NPFFR2: variants seen among roughly 807,000 people sequenced by gnomAD.
NPFFR2 encodes the protein G-protein coupled receptor 74.
A neutral mutation model predicts 13.1 loss-of-function variants in NPFFR2; 15 were observed. The observed-to-expected ratio is 1.15, with a 90% CI of 0.77 to 1.76. The LOEUF (loss-of-function observed/expected upper bound fraction) is 1.76, where lower values mean the gene tolerates loss of function less well. Ranked by LOEUF, NPFFR2 falls within the 40% of genes most tolerant of loss-of-function variation. The pLI, the probability that NPFFR2 is intolerant of heterozygous loss-of-function variation, is 0.00. For missense variants in NPFFR2, 572 were observed against 503.5 expected, an observed-to-expected ratio of 1.14 and a Z score of -1.30; for synonymous variants, 190 against 175.7, an observed-to-expected ratio of 1.08 and a Z score of -0.65.
At chr4:72,077,935 T>C (rs934512342) in intron 1 of NPFFR2, among the ~76,000 whole-genome samples, 1 of 152,046 alleles carries the variant, frequency 6.6e-6, no homozygotes, top group African/African-American at 2.4e-5. Flanking sequence ...AAGTAGAGAT[T>C]TTAAAGGTCA....
At chr4:72,078,935 G>T (rs1386774414) in intron 1 of NPFFR2, among the ~76,000 whole-genome samples, 1 of 152,038 alleles carries the variant, frequency 6.6e-6, no homozygotes, top group Admixed American at 6.6e-5. Context: ...GGAAGTTGGA[G>T]GGTGGGAGGT....
chr4:72,071,916 C>T (rs1025188067), intron 1 of NPFFR2, among the ~76,000 whole-genome samples: 12 of 152,084 alleles, frequency 7.9e-5, no homozygotes, highest in Non-Finnish European at 1.8e-4. Flanking sequence ...AAGACTAGCT[C>T]ATTGAAAAGA....
At chr4:72,078,772 AT>A (rs1400743798) in intron 1 of NPFFR2, among the ~76,000 whole-genome samples, 3 of 152,236 alleles carry the variant, frequency 2.0e-5, no homozygotes, top group Non-Finnish European at 2.9e-5. Context: ...ACATACCCAA[AT>A]TTTTGACAAA....
At chr4:72,140,518 A>C (rs539192325) in intron 3 of NPFFR2, among the ~76,000 whole-genome samples, 3 of 152,274 alleles carry the variant, frequency 2.0e-5, no homozygotes, top group African/African-American at 7.2e-5. Flanking sequence ...TGAGATAATC[A>C]TGTGGTGTTT....
At chr4:72,061,525 C>T (rs1336590853) in intron 1 of NPFFR2, among the ~76,000 whole-genome samples, 4 of 152,090 alleles carry the variant, frequency 2.6e-5, no homozygotes, top group Non-Finnish European at 5.9e-5. Context: ...TTTCTTTGTG[C>T]CTCAGTTGTG....
At chr4:72,034,116 A>G (rs1718989176) in intron 1 of NPFFR2, among the ~76,000 whole-genome samples, 1 of 152,228 alleles carries the variant, frequency 6.6e-6, no homozygotes, top group African/African-American at 2.4e-5. Context: ...CCTCCTTATT[A>G]TGGAAAAAAG....
At chr4:72,120,202 T>G (rs2109826970) in intron 1 of NPFFR2, among the ~76,000 whole-genome samples, 1 of 152,300 alleles carries the variant, frequency 6.6e-6, no homozygotes, top group Non-Finnish European at 1.5e-5. Flanking sequence ...GTAGCCAGAC[T>G]ACCTCTCTAG....
At chr4:72,084,391 T>G (rs1310333819) in intron 1 of NPFFR2, among the ~76,000 whole-genome samples, 1 of 152,112 alleles carries the variant, frequency 6.6e-6, no homozygotes, top group African/African-American at 2.4e-5. Flanking sequence ...TGGAAGGTGA[T>G]GAGACTGAAA....
At chr4:72,048,922 T>C (rs1031385417) in intron 1 of NPFFR2, among the ~76,000 whole-genome samples, 17 of 152,080 alleles carry the variant, frequency 1.1e-4, no homozygotes, top group African/African-American at 4.1e-4. Context: ...TGCCAGTTAA[T>C]GTAGTGTCTG....
At chr4:72,035,713 CAAAT>C (rs929890086) in intron 1 of NPFFR2, among the ~76,000 whole-genome samples, 1 of 152,116 alleles carries the variant, frequency 6.6e-6, no homozygotes, top group African/African-American at 2.4e-5. Flanking sequence ...AAAGAAAAAA[CAAAT>C]AAAATAACTC....
At chr4:72,127,717 A>G (rs534297144) in intron 1 of NPFFR2, among the ~76,000 whole-genome samples, 15 of 152,114 alleles carry the variant, frequency 9.9e-5, no homozygotes, top group African/African-American at 3.4e-4. Context: ...TGAAACCAAG[A>G]CAAGTAACCT....
At chr4:72,144,756 A>G (rs1722726725) in intron 3 of NPFFR2, among the ~76,000 whole-genome samples, 1 of 152,146 alleles carries the variant, frequency 6.6e-6, no homozygotes, top group South Asian at 2.1e-4. Flanking sequence ...AGGCAGGACC[A>G]CTCACTCAAT....
intron 1 of NPFFR2, among the ~76,000 whole-genome samples, chr4:72,067,990 C>G (rs1578433772): frequency 6.6e-6 from 1 of 152,184 alleles, no homozygotes; most frequent in Admixed American, 6.5e-5. Context: ...CAGAATCACC[C>G]TTAACACTCC....
chr4:72,136,082 G>T (rs538206396), intron 2 of NPFFR2, among the ~76,000 whole-genome samples: 1 of 152,286 alleles, frequency 6.6e-6, no homozygotes, highest in Admixed American at 6.5e-5. Flanking sequence ...AAGGCTAGGT[G>T]CAGTGGCTCA....
chr4:72,122,998 GA>G (rs1480831882), intron 1 of NPFFR2, among the ~76,000 whole-genome samples: 4 of 151,968 alleles, frequency 2.6e-5, no homozygotes, highest in Admixed American at 2.6e-4. Context: ...AAAATATGTA[GA>G]CCACTAGGCA....
chr4:72,104,083 T>C (rs534570544), intron 1 of NPFFR2, among the ~76,000 whole-genome samples: 1 of 152,052 alleles, frequency 6.6e-6, no homozygotes. Flanking sequence ...GAAAAACATA[T>C]GGAGGCAAAT....
chr4:72,136,202 T>C (rs1722405477), intron 2 of NPFFR2, among the ~76,000 whole-genome samples: 1 of 152,056 alleles, frequency 6.6e-6, no homozygotes, highest in African/African-American at 2.4e-5. Flanking sequence ...CTAAAAATTT[T>C]TTTTAAAATA....
At chr4:72,036,321 A>G (rs765350875) in intron 1 of NPFFR2, among the ~76,000 whole-genome samples, 15 of 152,040 alleles carry the variant, frequency 9.9e-5, no homozygotes, top group Non-Finnish European at 2.1e-4. Flanking sequence ...TTATAATCAA[A>G]GTACCAATTT....
At chr4:72,133,417 G>T (rs541708670) in intron 2 of NPFFR2, among the ~76,000 whole-genome samples, 5 of 151,974 alleles carry the variant, frequency 3.3e-5, no homozygotes, top group African/African-American at 1.2e-4. Context: ...ATAGCCTTGT[G>T]GTATAGTTTG....
Sources: allele counts gnomAD v4.1 joint callset (sites outside exome capture counted in the v4.1 genomes callset), GRCh38; gene constraint gnomAD v4.1.1; transcripts MANE v1.5; gene names NCBI Gene and HGNC (gene_info 2026-07-23, HGNC 2026-07-21).